The following PRKAR2A variants were observed in gnomAD, a reference collection of about 807,000 sequenced individuals.
PRKAR2A encodes cAMP-dependent protein kinase type II-alpha regulatory subunit.
In PRKAR2A, 29 loss-of-function variants were observed where a neutral mutation model predicts 51.9. The observed-to-expected ratio is 0.56, with a 90% CI of 0.42 to 0.76. PRKAR2A has a LOEUF of 0.76. Ranked by LOEUF, PRKAR2A falls within the 30% of genes least tolerant of loss-of-function variation. The probability of loss-of-function intolerance (pLI) is 0.00; values close to 1 mark genes in which losing one functional copy is unlikely to be tolerated. For synonymous variants in PRKAR2A, 178 were observed against 186.2 expected (o/e 0.96, Z 0.36); for missense variants, 445 against 512.1 (o/e 0.87, Z 1.26).
intron 9 of PRKAR2A, among the ~76,000 whole-genome samples, chr3:48,753,743 C>A (rs1019333112): frequency 1.3e-5 from 2 of 152,178 alleles, no homozygotes; most frequent in African/African-American, 4.8e-5. Flanking sequence ...ACAAACCACC[C>A]ATCCCCAATA....
At chr3:48,846,789 G>A (rs1411680350) in intron 1 of PRKAR2A, among the ~76,000 whole-genome samples, 1 of 152,180 alleles carries the variant, frequency 6.6e-6, no homozygotes, top group Admixed American at 6.6e-5. Flanking sequence ...TGAGAGATTT[G>A]CTTTAATACA....
intron 5 of PRKAR2A, among the ~76,000 whole-genome samples, chr3:48,778,186 G>T (rs1477660606): frequency 6.6e-6 from 1 of 151,726 alleles, no homozygotes; most frequent in Non-Finnish European, 1.5e-5. Context: ...TAGAGACAGG[G>T]GTCTCACTAT....
chr3:48,792,603 A>C (rs1226037606), intron 3 of PRKAR2A, among the ~76,000 whole-genome samples: 3 of 150,514 alleles, frequency 2.0e-5, no homozygotes, highest in Admixed American at 6.7e-5. Context: ...CTGGGATTAC[A>C]GGCGCCTGCC....
chr3:48,800,742 C>T (rs1313744259), intron 2 of PRKAR2A, among the ~76,000 whole-genome samples: 10 of 151,862 alleles, frequency 6.6e-5, no homozygotes, highest in Admixed American at 4.6e-4. Context: ...GCAATCTCCT[C>T]GGCTCACTGC....
chr3:48,755,498 A>G (rs2081746229), intron 9 of PRKAR2A, among the ~76,000 whole-genome samples: 1 of 152,134 alleles, frequency 6.6e-6, no homozygotes, highest in African/African-American at 2.4e-5. Flanking sequence ...CATCCATTAA[A>G]TGACCACAGT....
chr3:48,819,259 G>A lies in PRKAR2A; in HGVS notation c.263-11575C>T, dbSNP rs545572759. Among the ~76,000 whole-genome samples, 188 of 152,240 alleles carry A rather than the reference G, an allele frequency of 1.2e-3. 2 individuals carry two copies. Among genetic ancestry groups the A allele is most frequent in the African/African-American group, 3.9e-3 (161 of 41,558 alleles). On this transcript the variant is annotated intron_variant, in intron 1 of 10. Coordinates refer to ENST00000265563, the MANE Select transcript of PRKAR2A (RefSeq NM_004157.4). ...TCGAACTCCTGACTTCAGGTGATCC[G>A]CCAGCCTTGACCTCCCAAAGTGCTG...
In PRKAR2A at chr3:48,847,842, G is replaced by C; in HGVS notation, c.-246C>G. 2.8e-6 allele frequency: 1 copy of C among 361,160 alleles called. No homozygotes were observed. Among genetic ancestry groups the C allele is most frequent in the Non-Finnish European group, 4.9e-6 (1 of 205,320 alleles). 22.4% of individuals were successfully genotyped at this position (361,160 alleles called of 1,614,324 possible). ...CCGCCGCGGGGACCGACGGGCAGGC[G>C]AGCTGGACGGGCGGGGCAGGCGTCC... On this transcript the variant is annotated 5_prime_UTR_variant, in exon 1 of 11. Transcript: ENST00000265563. The surrounding 1 kb of genome is among the most constrained non-coding windows in gnomAD (Gnocchi z 4.4).
chr3:48,814,828 T>C (rs748539665), intron 1 of PRKAR2A, among the ~76,000 whole-genome samples: 5 of 152,342 alleles, frequency 3.3e-5, no homozygotes, highest in African/African-American at 1.2e-4. Context: ...CTTTGTGCTT[T>C]ATAAATATTT....
At chr3:48,826,702 A>G (rs2107422489) in intron 1 of PRKAR2A, among the ~76,000 whole-genome samples, 1 of 152,260 alleles carries the variant, frequency 6.6e-6, no homozygotes, top group East Asian at 1.9e-4. Context: ...ACATAAACTC[A>G]GTTATGATCC....
chr3:48,793,573 T>A (rs2082428686), intron 3 of PRKAR2A, among the ~76,000 whole-genome samples: 1 of 150,108 alleles, frequency 6.7e-6, no homozygotes, highest in South Asian at 2.1e-4. Flanking sequence ...ATGCCCAGCA[T>A]TTTTTTTTTA....
At chr3:48,816,845 G>A (rs2082882360) in intron 1 of PRKAR2A, among the ~76,000 whole-genome samples, 1 of 152,024 alleles carries the variant, frequency 6.6e-6, no homozygotes, top group Non-Finnish European at 1.5e-5. Context: ...AAAGTATTAT[G>A]AGGTTCCTTC....
At chr3:48,797,068 C>G (rs988354665) in intron 2 of PRKAR2A, among the ~76,000 whole-genome samples, 2 of 151,904 alleles carry the variant, frequency 1.3e-5, no homozygotes, top group African/African-American at 4.8e-5. Flanking sequence ...AGTTCTTGAC[C>G]CTACTCTCAA....
intron 2 of PRKAR2A, among the ~76,000 whole-genome samples, chr3:48,807,330 G>T (rs113383926): frequency 6.6e-6 from 1 of 152,156 alleles, no homozygotes; most frequent in East Asian, 1.9e-4. Context: ...AAAGGTATAT[G>T]TAAGAGTTAA....
Position 48,847,237 on chromosome 3 carries a change from G to A in PRKAR2A, c.262+98C>T, listed in dbSNP as rs1430677817. ...TACAGAGCTCCCAATCCCAGCCTGCGGTCGGCTTGGCTGCGGCGCGACACC... is the reference window on the plus strand; with the variant it reads ...TACAGAGCTCCCAATCCCAGCCTGCAGTCGGCTTGGCTGCGGCGCGACACC... On this transcript the variant is annotated intron_variant, in intron 1 of 10. Coordinates refer to ENST00000265563, the MANE Select transcript of PRKAR2A (RefSeq NM_004157.4). The surrounding 1 kb of genome is among the most constrained non-coding windows in gnomAD (Gnocchi z 4.4). The A allele has an allele frequency of 2.1e-6, 3 of 1,429,798 alleles. No homozygotes were observed. The highest frequency in any genetic ancestry group is 2.9e-5 in the African/African-American group (2 of 68,568). 88.6% of individuals were successfully genotyped at this position (1,429,798 alleles called of 1,614,324 possible).
At chr3:48,810,422 A>G (rs2082752853) in intron 1 of PRKAR2A, among the ~76,000 whole-genome samples, 1 of 152,132 alleles carries the variant, frequency 6.6e-6, no homozygotes, top group East Asian at 1.9e-4. Context: ...ACTTTAAATC[A>G]TCTCTAGATT....
rs766875352 is a variant in PRKAR2A, at chr3:48,794,063, G to GA, written c.299-15dup. The GA allele has an allele frequency of 5.7e-6, 9 of 1,573,982 alleles. No homozygotes were observed. The highest frequency in any genetic ancestry group is 7.8e-6 in the Non-Finnish European group (9 of 1,152,812). ...TCTCAGCACAGACTAAAATTGGAGA[G>GA]AAAAAAACAAAAAGAATGAATTTAA... On this transcript the variant is annotated splice_polypyrimidine_tract_variant and intron_variant, in intron 2 of 10. Transcript: ENST00000265563.
chr3:48,845,335 T>G (rs2083445091), intron 1 of PRKAR2A, among the ~76,000 whole-genome samples: 2 of 152,288 alleles, frequency 1.3e-5, no homozygotes, highest in South Asian at 4.1e-4. Context: ...TGTTACTCCT[T>G]TAGCATGAAT....
At chr3:48,787,786 T>C (rs1453774919) in intron 4 of PRKAR2A, among the ~76,000 whole-genome samples, 1 of 152,130 alleles carries the variant, frequency 6.6e-6, no homozygotes, top group Non-Finnish European at 1.5e-5. Flanking sequence ...CACACAGTTA[T>C]TAGTCTGGTT....
intron 8 of PRKAR2A, among the ~76,000 whole-genome samples, chr3:48,758,005 G>A (rs1162636110): frequency 2.0e-5 from 3 of 152,004 alleles, no homozygotes; most frequent in Non-Finnish European, 4.4e-5. Flanking sequence ...GCAGTGAGCC[G>A]AGATCACGCC....
Sources: allele counts gnomAD v4.1 joint callset (sites outside exome capture counted in the v4.1 genomes callset), GRCh38; gene constraint gnomAD v4.1.1; non-coding constraint Gnocchi (gnomAD v3.1); transcripts MANE v1.5; gene names NCBI Gene and HGNC (gene_info 2026-07-23, HGNC 2026-07-21).